SLC26A4: variants seen among roughly 807,000 people sequenced by gnomAD.
The protein encoded by SLC26A4 is pendrin.
Under a neutral mutation model 90.4 loss-of-function variants are expected in SLC26A4, and 93 were observed. The observed-to-expected ratio is 1.03, with a 90% CI of 0.87 to 1.22. The LOEUF is 1.22. Among genes scored for constraint, SLC26A4 ranks in the 50% most tolerant of loss-of-function variants. The pLI is 0.00. For missense variants in SLC26A4, 1,127 were observed against 946.2 expected, an observed-to-expected ratio of 1.19 and a Z score of -2.51; for synonymous variants, 393 against 354.6, an observed-to-expected ratio of 1.11 and a Z score of -1.22.
intron 18 of SLC26A4, among the ~76,000 whole-genome samples, chr7:107,709,430 C>T (rs961262131): frequency 4.6e-5 from 7 of 152,160 alleles, no homozygotes; most frequent in African/African-American, 1.4e-4. Flanking sequence ...ACAACCACAC[C>T]TGGCTAATTT....
chr7:107,661,933 C>T lies in SLC26A4; in HGVS notation c.164+128C>T. On this transcript the variant is annotated intron_variant, in intron 2 of 20. Transcript: ENST00000644269. This position sits in a 1 kb window ranked among gnomAD's most constrained non-coding sequence, Gnocchi z 5.1. Reference sequence around the variant, plus strand: ...GAGCCCCTGGGCGCCAGCTGCTTCTCCCAGAGGCCCGACTTTCGGTCTCCG... The same window carrying T: ...GAGCCCCTGGGCGCCAGCTGCTTCTTCCAGAGGCCCGACTTTCGGTCTCCG... 9.5e-7 allele frequency: 1 copy of T among 1,053,924 alleles called. No individual in the cohort carries two copies. Among genetic ancestry groups the T allele is most frequent in the Non-Finnish European group, 1.3e-6 (1 of 749,026 alleles). The allele number at this position is 1,053,924 out of a possible 1,614,324, so 65.3% of individuals were successfully genotyped here.
At chr7:107,683,691 C>A (rs970962457) in intron 8 of SLC26A4, among the ~76,000 whole-genome samples, 154 bp downstream of exon 8, 1 of 152,160 alleles carries the variant, frequency 6.6e-6, no homozygotes, top group Non-Finnish European at 1.5e-5. Context: ...ATAAGACAAA[C>A]AGTATGTGTG....
chr7:107,687,816 G>T (rs1339077511), intron 8 of SLC26A4, among the ~76,000 whole-genome samples: 1 of 152,194 alleles, frequency 6.6e-6, no homozygotes. Flanking sequence ...AGCCTGTTTT[G>T]AGAAGTGTGG....
chr7:107,716,454 C>A lies in SLC26A4; in HGVS notation c.*1008C>A, dbSNP rs1792348740. 1 of 152,020 alleles carries A rather than the reference C, an allele frequency of 6.6e-6. No individual in the cohort carries two copies. The highest frequency in any genetic ancestry group is 1.5e-5 in the Non-Finnish European group (1 of 68,008). 9.4% of individuals were successfully genotyped at this position (152,020 alleles called of 1,614,324 possible). On this transcript the variant is annotated 3_prime_UTR_variant, in exon 21 of 21. Coordinates refer to ENST00000644269, the MANE Select transcript of SLC26A4 (RefSeq NM_000441.2). ...AAAAAAAAATCTAAAAATTGAACTA[C>A]CTATAGTAGTCTGTGTTTAAAGTGA...
chr7:107,691,532 C>CAG lies in SLC26A4; in HGVS notation c.1263+1296_1263+1297insGA. On this transcript the variant is annotated intron_variant, in intron 10 of 20. Transcript: ENST00000644269. ...ATATATATACACACACACACACACACACACACACACACAAACATATATATA... is the reference window on the plus strand; with the variant it reads ...ATATATATACACACACACACACACACAGACACACACACACAAACATATATATA... Among the ~76,000 whole-genome samples the CAG allele has an allele frequency of 3.4e-5, 3 of 88,890 alleles. No individual in the cohort carries two copies. In the South Asian group the frequency reaches 1.5e-3, roughly 44 times the overall value. The allele number at this position is 88,890 out of a possible 152,430, so 58.3% of individuals were successfully genotyped here.
intron 10 of SLC26A4, chr7:107,693,841 G>A (rs528220524): frequency 6.7e-4 from 251 of 374,612 alleles, no homozygotes; most frequent in African/African-American, 5.3e-3. Flanking sequence ...ACCTCTCAAT[G>A]TGCAAATGTG....
chr7:107,661,838 C>G lies in SLC26A4; in HGVS notation c.164+33C>G, dbSNP rs775021835. ...CCGCGCGGGCCTGCGTAGAGAGAAG[C>G]GGAGCGGGGCGTCCACGCCTTGGGG... On this transcript the variant is annotated intron_variant, in intron 2 of 20. Transcript: ENST00000644269. The surrounding 1 kb of genome is among the most constrained non-coding windows in gnomAD (Gnocchi z 5.1). The G allele has an allele frequency of 4.6e-6, 7 of 1,524,094 alleles. No homozygotes were observed. The highest frequency in any genetic ancestry group is 2.8e-5 in the African/African-American group (2 of 72,506). 94.4% of individuals were successfully genotyped at this position (1,524,094 alleles called of 1,614,324 possible).
rs1792140608 is a variant in SLC26A4 at position 107,710,116 on chromosome 7, T to G, written c.2152T>G (p.Phe718Val). Residue 718 changes from phenylalanine (F) to valine (V), a missense_variant, in exon 19 of 21, where the codon TTC becomes GTC. Coordinates refer to ENST00000644269, the MANE Select transcript of SLC26A4 (RefSeq NM_000441.2). ...FFDDNIRKDTFFLTVHDAILY... is the reference protein window; with the variant it reads ...FFDDNIRKDTVFLTVHDAILY... ...TGACGACAACATTAGAAAGGACACA[T>G]TCTTTTTGACGGTCCATGATGCTAT... 1.1e-5 allele frequency: 18 copies of G among 1,610,290 alleles called. 1 individual carries two copies. In the Admixed American group the frequency reaches 2.7e-4, roughly 24 times the overall value.
Position 107,661,695 on chromosome 7 carries a change from CA to C in SLC26A4, c.55del (p.Ser19AlafsTer47), listed in dbSNP as rs1057516634. 4 of 1,572,802 alleles carry C rather than the reference CA, an allele frequency of 2.5e-6. No homozygotes were observed. In the African/African-American group the frequency reaches 5.4e-5, roughly 21 times the overall value. ...CGCCGCAGCTCCCCGAGTACAGCTGCAGCTACATGGTGTCGCGGCCGGTCTA... is the reference window on the plus strand; with the variant it reads ...CGCCGCAGCTCCCCGAGTACAGCTGCGCTACATGGTGTCGCGGCCGGTCTA... ...EPPQLPEYSC[S>X]YMVSRPVYSE... is the part of the protein sequence containing the mutation. On this transcript the variant is annotated frameshift_variant, in exon 2 of 21. Coordinates refer to ENST00000644269, the MANE Select transcript of SLC26A4 (RefSeq NM_000441.2). LOFTEE classifies it high-confidence loss of function. This position sits in a 1 kb window ranked among gnomAD's most constrained non-coding sequence, Gnocchi z 5.1.
intron 2 of SLC26A4, chr7:107,662,097 GAGTGCCTCTTGGGGTAC>G (rs1013202664): frequency 3.9e-6 from 2 of 506,882 alleles, no homozygotes; most frequent in African/African-American, 4.0e-5. Flanking sequence ...AGGAAACTTG[GAGTGCCTCTTGGGGTAC>G]AGTGGGTCCC....
intron 3 of SLC26A4, among the ~76,000 whole-genome samples, chr7:107,669,460 G>A (rs150096514): frequency 4.5e-4 from 69 of 152,312 alleles, no homozygotes; most frequent in African/African-American, 1.0e-3. Context: ...CTTGAAAAAT[G>A]TCCATATGAA....
At chr7:107,704,169 T>C (rs1215197943) in intron 17 of SLC26A4, among the ~76,000 whole-genome samples, 162 bp from the exon 18 acceptor site, 1 of 152,240 alleles carries the variant, frequency 6.6e-6, no homozygotes, top group African/African-American at 2.4e-5. Context: ...ATACCATTAC[T>C]GTAGTTTGAA....
At chr7:107,686,746 C>T (rs1348846393) in intron 8 of SLC26A4, among the ~76,000 whole-genome samples, 4 of 152,096 alleles carry the variant, frequency 2.6e-5, no homozygotes, top group Non-Finnish European at 4.4e-5. Flanking sequence ...TCCCAAAGTG[C>T]TGGGATTACA....
intron 9 of SLC26A4, 106 bp downstream of exon 9, chr7:107,689,306 AC>A: frequency 8.5e-7 from 1 of 1,180,832 alleles, no homozygotes; most frequent in Non-Finnish European, 1.3e-6. Flanking sequence ...GGATTCTTTC[AC>A]CAGACCTTAT....
At chr7:107,686,405 T>TTTC (rs1791413313) in intron 8 of SLC26A4, among the ~76,000 whole-genome samples, 2 of 82,524 alleles carry the variant, frequency 2.4e-5, no homozygotes, top group Non-Finnish European at 2.3e-5. Context: ...TCTCTCTCTT[T>TTTC]TTTCTTTCTT....
intron 9 of SLC26A4, among the ~76,000 whole-genome samples, 163 bp downstream of exon 9, chr7:107,689,363 A>T (rs1791507263): frequency 6.6e-6 from 1 of 152,226 alleles, no homozygotes. Context: ...ATTATTTTGG[A>T]ATAGACACAC....
Position 107,661,773 on chromosome 7 carries a change from G to C in SLC26A4, c.132G>C (p.Lys44Asn), listed in dbSNP as rs752608185. Residue 44 changes from lysine to asparagine, a missense_variant, in exon 2 of 21, where the codon AAG becomes AAC. Transcript: ENST00000644269. The surrounding 1 kb of genome is among the most constrained non-coding windows in gnomAD (Gnocchi z 5.1). Reference protein sequence around the residue: ...QQHERRLQERKTLRESLAKCC... With the variant: ...QQHERRLQERNTLRESLAKCC... ...ACGAGCGGCGCCTGCAGGAGCGCAAGACGCTGCGGGAGAGCCTGGCCAAGT... is the reference window on the plus strand; with the variant it reads ...ACGAGCGGCGCCTGCAGGAGCGCAACACGCTGCGGGAGAGCCTGGCCAAGT... 1.3e-6 allele frequency: 2 copies of C among 1,541,116 alleles called. No individual in the cohort carries two copies. Among genetic ancestry groups the C allele is most frequent in the East Asian group, 4.9e-5 (2 of 41,084 alleles).
At chr7:107,691,139 A>ACACACATG (rs1554358968) in intron 10 of SLC26A4, among the ~76,000 whole-genome samples, 1 of 148,472 alleles carries the variant, frequency 6.7e-6, no homozygotes, top group Non-Finnish European at 1.5e-5. Context: ...ACACACACAC[A>ACACACATG]CACATGCACA....
At chr7:107,686,259 T>TCTTCCCTTC (rs1301496144) in intron 8 of SLC26A4, among the ~76,000 whole-genome samples, 3 of 146,306 alleles carry the variant, frequency 2.1e-5, no homozygotes, top group Non-Finnish European at 3.0e-5. Flanking sequence ...TCTCTTTCTT[T>TCTTCCCTTC]CTTCCCTTCC....
Sources: gnomAD v4.1 joint callset for allele counts (sites outside exome capture counted in the v4.1 genomes callset) on GRCh38, gnomAD v4.1.1 for gene constraint, Gnocchi (gnomAD v3.1) non-coding constraint, MANE v1.5 for transcripts, NCBI Gene and HGNC (gene_info 2026-07-23, HGNC 2026-07-21) for gene names.